The following MPP7 variants were observed in gnomAD, a reference collection of about 807,000 sequenced individuals.
MPP7 encodes the protein MAGUK p55 subfamily member 7.
MPP7 carries 60 observed loss-of-function variants against 76.5 expected under a neutral mutation model. The observed-to-expected ratio is 0.78, with a 90% CI of 0.64 to 0.97. The LOEUF (loss-of-function observed/expected upper bound fraction) is 0.97. Ranked by LOEUF, MPP7 falls within the 50% of genes least tolerant of loss-of-function variation. MPP7 has a pLI of 0.00. For missense variants in MPP7, 641 were observed against 694.0 expected (o/e 0.92, Z 0.86); for synonymous variants, 237 against 244.5 (o/e 0.97, Z 0.29).
chr10:28,218,058 T>C (rs967155393), intron 2 of MPP7, among the ~76,000 whole-genome samples: 1 of 152,166 alleles, frequency 6.6e-6, no homozygotes, highest in African/African-American at 2.4e-5. Flanking sequence ...TAACGATGTG[T>C]AATGCAACTG....
intron 1 of MPP7, among the ~76,000 whole-genome samples, chr10:28,256,209 T>A (rs1452163644): frequency 6.6e-6 from 1 of 151,062 alleles, no homozygotes; most frequent in Non-Finnish European, 1.5e-5. Context: ...GTTACCAAGG[T>A]CAAACACCAC....
intron 11 of MPP7, among the ~76,000 whole-genome samples, chr10:28,107,187 GT>G (rs1181659599): frequency 1.3e-5 from 2 of 151,892 alleles, no homozygotes; most frequent in African/African-American, 4.8e-5. Context: ...TGCTCTTTCC[GT>G]GCTATTTTCT....
chr10:28,086,388 C>T (rs894383725), intron 12 of MPP7, among the ~76,000 whole-genome samples: 1 of 152,120 alleles, frequency 6.6e-6, no homozygotes, highest in Non-Finnish European at 1.5e-5. Context: ...ATTCAGAATT[C>T]GGGTACCAGG....
In MPP7 at chr10:28,051,363, A is replaced by G. The variant is rs755001065; in HGVS notation, c.*2702T>C. ...ATACATTCAATCATTACACAATACC[A>G]GGAAGGTCAGCCTTAAAGATACCAA... On this transcript the variant is annotated 3_prime_UTR_variant, in exon 17 of 17. Transcript: ENST00000683449. 1.3e-5 allele frequency: 2 copies of G among 152,236 alleles called. No individual in the cohort carries two copies. The highest frequency in any genetic ancestry group is 2.9e-5 in the Non-Finnish European group (2 of 68,046). The allele number at this position is 152,236 out of a possible 1,614,324, so 9.4% of individuals were successfully genotyped here.
chr10:28,196,675 G>A (rs1054394794), intron 3 of MPP7, among the ~76,000 whole-genome samples: 2 of 152,080 alleles, frequency 1.3e-5, no homozygotes, highest in Non-Finnish European at 2.9e-5. Context: ...AACCCGCAAT[G>A]GCCTGGCATA....
chr10:28,295,739 C>CAT (rs1841022842), intron 1 of MPP7, among the ~76,000 whole-genome samples: 1 of 152,256 alleles, frequency 6.6e-6, no homozygotes, highest in Non-Finnish European at 1.5e-5. Context: ...CCTGTCCCTG[C>CAT]ACACACCTGC....
intron 11 of MPP7, among the ~76,000 whole-genome samples, chr10:28,094,827 T>C (rs1853486794): frequency 6.6e-6 from 1 of 152,162 alleles, no homozygotes; most frequent in Non-Finnish European, 1.5e-5. Flanking sequence ...TGGTGGCACA[T>C]GCCTATAATC....
intron 15 of MPP7, 58 bp downstream of exon 15, chr10:28,058,437 T>C: frequency 1.2e-6 from 1 of 848,466 alleles, no homozygotes; most frequent in Non-Finnish European, 1.8e-6. Flanking sequence ...AATGCTCACA[T>C]GAGGTGCTGT....
intron 2 of MPP7, among the ~76,000 whole-genome samples, chr10:28,231,787 G>T (rs1279472379): frequency 6.6e-6 from 1 of 152,060 alleles, no homozygotes; most frequent in Non-Finnish European, 1.5e-5. Flanking sequence ...GACCTAACAG[G>T]TAAGTTCTAC....
chr10:28,202,448 A>C (rs1837807562), intron 2 of MPP7, among the ~76,000 whole-genome samples, 177 bp from the exon 3 acceptor site: 1 of 152,212 alleles, frequency 6.6e-6, no homozygotes, highest in Non-Finnish European at 1.5e-5. Flanking sequence ...TTAAATTCCA[A>C]AGCAGTGGTA....
intron 2 of MPP7, among the ~76,000 whole-genome samples, chr10:28,316,435 T>TAAAAA (rs549621404): frequency 1.6e-4 from 6 of 37,148 alleles, no homozygotes; most frequent in South Asian, 1.5e-3. Flanking sequence ...ACTCTGTCTT[T>TAAAAA]AAAAAAAAAA....
chr10:28,284,827 A>T (rs1422035693), intron 1 of MPP7, among the ~76,000 whole-genome samples: 1 of 152,226 alleles, frequency 6.6e-6, no homozygotes, highest in Non-Finnish European at 1.5e-5. Context: ...ACAATATAAG[A>T]TACATAAAAG....
At chr10:28,229,976 A>G (rs967354094) in intron 2 of MPP7, among the ~76,000 whole-genome samples, 1 of 150,746 alleles carries the variant, frequency 6.6e-6, no homozygotes, top group African/African-American at 2.4e-5. Context: ...ATGAAAATAC[A>G]TGACACAGTA....
At chr10:28,120,541 A>G in intron 9 of MPP7, 53 bp downstream of exon 9, 1 of 1,561,880 alleles carries the variant, frequency 6.4e-7, no homozygotes, top group Non-Finnish European at 8.8e-7. Context: ...TGTTGGATGG[A>G]AAAACATGAC....
intron 4 of MPP7, among the ~76,000 whole-genome samples, chr10:28,149,635 C>G (rs553846189): frequency 6.6e-6 from 1 of 152,294 alleles, no homozygotes; most frequent in East Asian, 1.9e-4. Context: ...AGAGCTATCT[C>G]ATTTGTCTTT....
At chr10:28,109,857 A>AAAAAAAAAAC (rs1834441936) in intron 11 of MPP7, among the ~76,000 whole-genome samples, 6 of 148,554 alleles carry the variant, frequency 4.0e-5, no homozygotes, top group African/African-American at 1.2e-4. Context: ...GCAAAAAAAA[A>AAAAAAAAAAC]AAAAAAAAAA....
chr10:28,187,037 T>G (rs961213722), intron 3 of MPP7, among the ~76,000 whole-genome samples: 4 of 152,154 alleles, frequency 2.6e-5, no homozygotes, highest in African/African-American at 9.7e-5. Context: ...CTCCCCACAT[T>G]CATTCTGGTA....
intron 2 of MPP7, among the ~76,000 whole-genome samples, chr10:28,327,331 C>T (rs894918465): frequency 6.7e-6 from 1 of 149,146 alleles, no homozygotes; most frequent in African/African-American, 2.5e-5. Context: ...TAGCTCGTTT[C>T]AAATTCATTG....
At chr10:28,244,759 G>A (rs528938323) in intron 1 of MPP7, among the ~76,000 whole-genome samples, 8 of 152,112 alleles carry the variant, frequency 5.3e-5, no homozygotes, top group African/African-American at 1.7e-4. Flanking sequence ...AAAGTCTGCC[G>A]GGAACCCTGG....
Sources: gnomAD v4.1 joint callset for allele counts (sites outside exome capture counted in the v4.1 genomes callset) on GRCh38, gnomAD v4.1.1 for gene constraint, MANE v1.5 for transcripts, NCBI Gene and HGNC (gene_info 2026-07-23, HGNC 2026-07-21) for gene names.